CPEB3: variants seen among roughly 807,000 people sequenced by gnomAD.
CPEB3 encodes cytoplasmic polyadenylation element binding protein 3.
CPEB3 carries 20 observed loss-of-function variants against 67.2 expected under a neutral mutation model. The ratio of observed to expected loss-of-function variants is 0.30; its 90% CI spans 0.21 to 0.43. CPEB3 has a LOEUF of 0.43. Ranked by LOEUF, CPEB3 falls within the 20% of genes least tolerant of loss-of-function variation. The pLI is 1.00. For missense variants in CPEB3, 746 were observed against 968.6 expected (o/e 0.77, Z 3.05); for synonymous variants, 376 against 393.1 (o/e 0.96, Z 0.51).
intron 4 of CPEB3, among the ~76,000 whole-genome samples, chr10:92,168,887 C>G (rs554169165): frequency 2.0e-5 from 3 of 150,958 alleles, no homozygotes; most frequent in African/African-American, 7.3e-5. Flanking sequence ...CCTCTGCCTC[C>G]CAGGTTCAAG....
At chr10:92,086,751 A>G (rs1176642007) in intron 8 of CPEB3, among the ~76,000 whole-genome samples, 2 of 152,180 alleles carry the variant, frequency 1.3e-5, no homozygotes, top group African/African-American at 4.8e-5. Context: ...TATGCTCTAT[A>G]AGTATCAATT....
intron 8 of CPEB3, among the ~76,000 whole-genome samples, chr10:92,082,689 A>G (rs1434922655): frequency 6.6e-6 from 1 of 152,180 alleles, no homozygotes; most frequent in African/African-American, 2.4e-5. Context: ...TTTACTTGAT[A>G]GTGGACAGCA....
Position 92,070,341 on chromosome 10 carries a change from A to G in CPEB3, c.1869+10979T>C, listed in dbSNP as rs80211116. 7.2e-5 allele frequency among the ~76,000 whole-genome samples: 11 copies of G among 152,344 alleles called. No individual in the cohort carries two copies. In the East Asian group the frequency reaches 1.9e-3, roughly 27 times the overall value. Reference sequence around the variant, plus strand: ...CATTTGACTCAGCAAAATTTTTTAAATAAAATAGATAATAAAATCCCAGGA... The same window carrying G: ...CATTTGACTCAGCAAAATTTTTTAAGTAAAATAGATAATAAAATCCCAGGA... On this transcript the variant is annotated intron_variant, in intron 9 of 9. Transcript: ENST00000265997.
At chr10:92,241,690 T>C (rs1851858444) in intron 1 of CPEB3, among the ~76,000 whole-genome samples, 1 of 152,166 alleles carries the variant, frequency 6.6e-6, no homozygotes, top group Admixed American at 6.5e-5. Flanking sequence ...TATTCAAGGA[T>C]GAAAATTACT....
At chr10:92,071,050 T>C (rs1842732055) in intron 9 of CPEB3, among the ~76,000 whole-genome samples, 1 of 146,220 alleles carries the variant, frequency 6.8e-6, no homozygotes, top group East Asian at 2.0e-4. Flanking sequence ...TGCTTTACAG[T>C]TTTCAAAAAC....
chr10:92,223,810 G>A (rs1850827331), intron 2 of CPEB3, among the ~76,000 whole-genome samples: 1 of 147,566 alleles, frequency 6.8e-6, no homozygotes, highest in Non-Finnish European at 1.5e-5. Flanking sequence ...GTGCAATGAT[G>A]TGATCTCGGC....
rs150783737 is a variant in CPEB3, at chr10:92,269,157, A to T, written c.-12+21769T>A. Among the ~76,000 whole-genome samples the T allele has an allele frequency of 3.9e-5, 6 of 152,026 alleles. No individual in the cohort carries two copies. The East Asian group carries it at 1.2e-3, about 29-fold the overall frequency. ...GGGCAAGACAGTTTTCCATATCCTAAGGCAATGCCCAGGAAAAAAAAAAAG... is the reference window on the plus strand; with the variant it reads ...GGGCAAGACAGTTTTCCATATCCTATGGCAATGCCCAGGAAAAAAAAAAAG... On this transcript the variant is annotated intron_variant, in intron 1 of 9. Coordinates refer to ENST00000265997, the MANE Select transcript of CPEB3 (RefSeq NM_014912.5).
intron 4 of CPEB3, among the ~76,000 whole-genome samples, chr10:92,179,048 A>G (rs1292453663): frequency 6.6e-6 from 1 of 152,148 alleles, no homozygotes; most frequent in African/African-American, 2.4e-5. Context: ...TGTTGCAACT[A>G]TGTGTAACTC....
chr10:92,170,034 C>T (rs1010143123), intron 4 of CPEB3, among the ~76,000 whole-genome samples: 3 of 152,186 alleles, frequency 2.0e-5, no homozygotes, highest in African/African-American at 4.8e-5. Context: ...ATTCAACCTA[C>T]TCTTCCAGTA....
chr10:92,212,731 T>C (rs906917663), intron 2 of CPEB3, among the ~76,000 whole-genome samples: 13 of 152,188 alleles, frequency 8.5e-5, no homozygotes, highest in Admixed American at 2.6e-4. Flanking sequence ...TGATCATGTG[T>C]TGAAATAACA....
At chr10:92,254,266 A>G (rs1852427092) in intron 1 of CPEB3, among the ~76,000 whole-genome samples, 1 of 152,076 alleles carries the variant, frequency 6.6e-6, no homozygotes, top group Admixed American at 6.6e-5. Flanking sequence ...GACTTCAAAG[A>G]GCTCACAGTC....
chr10:92,206,357 G>A (rs113735095), intron 2 of CPEB3, among the ~76,000 whole-genome samples: 2 of 152,256 alleles, frequency 1.3e-5, no homozygotes, highest in African/African-American at 4.8e-5. Flanking sequence ...ACAGGCATGA[G>A]CCACCACACC....
chr10:92,268,934 T>C (rs1168869986), intron 1 of CPEB3, among the ~76,000 whole-genome samples: 3 of 152,040 alleles, frequency 2.0e-5, no homozygotes, highest in Non-Finnish European at 4.4e-5. Context: ...ACACTTGCAA[T>C]GAAATGGGGA....
chr10:92,258,625 AATATATATATATATATAT>A (rs56316802), intron 1 of CPEB3, among the ~76,000 whole-genome samples: 179 of 32,894 alleles, frequency 5.4e-3, no homozygotes, highest in African/African-American at 0.026. Context: ...ATATTTTTTG[AATATATATATATATATAT>A]ATATATATAT....
intron 6 of CPEB3, among the ~76,000 whole-genome samples, chr10:92,129,755 A>G (rs962367607): frequency 2.0e-5 from 3 of 152,130 alleles, no homozygotes; most frequent in Admixed American, 2.0e-4. Flanking sequence ...ACCTCACAAC[A>G]TCCCTGTTGC....
At chr10:92,099,165 G>A (rs1181611966) in intron 7 of CPEB3, among the ~76,000 whole-genome samples, 1 of 151,006 alleles carries the variant, frequency 6.6e-6, no homozygotes, top group African/African-American at 2.4e-5. Context: ...GTCATTAATA[G>A]GGATACGATT....
chr10:92,137,249 G>A, intron 6 of CPEB3: 1 of 572,862 alleles, frequency 1.7e-6, no homozygotes. Context: ...TCCTGTCATG[G>A]CTGTATTGGG....
At chr10:92,267,351 T>C (rs1367116968) in intron 1 of CPEB3, among the ~76,000 whole-genome samples, 2 of 152,118 alleles carry the variant, frequency 1.3e-5, no homozygotes, top group Non-Finnish European at 2.9e-5. Flanking sequence ...CCAGAAAAAT[T>C]TGACCTCTGC....
intron 2 of CPEB3, among the ~76,000 whole-genome samples, chr10:92,226,104 AAAT>A (rs1419746221): frequency 6.6e-6 from 1 of 152,234 alleles, no homozygotes; most frequent in Non-Finnish European, 1.5e-5. Flanking sequence ...CTCAAAAAAA[AAAT>A]AATAATAATT....
Sources: allele counts gnomAD v4.1 joint callset (sites outside exome capture counted in the v4.1 genomes callset), GRCh38; gene constraint gnomAD v4.1.1; transcripts MANE v1.5; gene names NCBI Gene and HGNC (gene_info 2026-07-23, HGNC 2026-07-21).